The following NLGN4X variants were observed in gnomAD, a reference collection of about 807,000 sequenced individuals.
The protein encoded by NLGN4X is neuroligin-4, X-linked.
Under a neutral mutation model 40.3 loss-of-function variants are expected in NLGN4X, and 3 were observed. That is an observed-to-expected ratio of 0.07 (90% confidence interval 0.03 to 0.19). The LOEUF (loss-of-function observed/expected upper bound fraction) is 0.19. Ranked by LOEUF, NLGN4X falls within the 10% of genes least tolerant of loss-of-function variation. The pLI, the probability that NLGN4X is intolerant of heterozygous loss-of-function variation, is 1.00. For synonymous variants in NLGN4X, 270 were observed against 306.8 expected, an observed-to-expected ratio of 0.88 and a Z score of 1.25; for missense variants, 382 against 708.3, an observed-to-expected ratio of 0.54 and a Z score of 5.23.
chrX:6,167,560 C>A (rs963973889), intron 1 of NLGN4X, among the ~76,000 whole-genome samples: 5 of 112,256 alleles, frequency 4.5e-5, no homozygotes, highest in Admixed American at 1.9e-4. Context: ...AGGAAGGGAA[C>A]TTATCTGAGG....
chrX:6,080,490 A>C (rs991612062), intron 2 of NLGN4X, among the ~76,000 whole-genome samples: 3 of 112,048 alleles, frequency 2.7e-5, no homozygotes, highest in African/African-American at 9.7e-5. Flanking sequence ...CAGTTGAATG[A>C]CATCTAGTGC....
At chrX:6,194,446 T>C (rs1200789359) in intron 1 of NLGN4X, among the ~76,000 whole-genome samples, 1 of 111,194 alleles carries the variant, frequency 9.0e-6, no homozygotes, top group Admixed American at 9.6e-5. Flanking sequence ...TCTAACAGAG[T>C]ACCACGTGGC....
chrX:6,022,684 T>A (rs1368938006), intron 3 of NLGN4X, among the ~76,000 whole-genome samples: 1 of 111,469 alleles, frequency 9.0e-6, no homozygotes, highest in Non-Finnish European at 1.9e-5. Flanking sequence ...AGGCTTCTTT[T>A]GTTGAGTGGA....
At chrX:6,142,376 C>G (rs1407492907) in intron 2 of NLGN4X, among the ~76,000 whole-genome samples, 1 of 112,215 alleles carries the variant, frequency 8.9e-6, no homozygotes, top group Non-Finnish European at 1.9e-5. Context: ...ATCGGAAATC[C>G]ACTCCAGTTT....
intron 3 of NLGN4X, among the ~76,000 whole-genome samples, chrX:5,974,136 C>A (rs989732672): frequency 8.9e-6 from 1 of 111,928 alleles, no homozygotes; most frequent in Admixed American, 9.5e-5. Context: ...GAAAGGTGGT[C>A]GCTGAAACAA....
intron 1 of NLGN4X, among the ~76,000 whole-genome samples, chrX:6,157,683 G>T (rs2040299968): frequency 9.0e-6 from 1 of 111,199 alleles, no homozygotes; most frequent in African/African-American, 3.3e-5. Flanking sequence ...TTGGAAAAGG[G>T]GAAAAGGGCA....
chrX:6,150,617 A>T (rs1199613345), intron 2 of NLGN4X, among the ~76,000 whole-genome samples: 2 of 112,165 alleles, frequency 1.8e-5, no homozygotes, highest in Non-Finnish European at 3.8e-5. Flanking sequence ...TGCAAACTGG[A>T]GCATAATAGT....
chrX:6,071,418 A>G (rs12836490), intron 2 of NLGN4X, among the ~76,000 whole-genome samples: 9,777 of 111,465 alleles, frequency 0.088, 454 homozygotes, highest in Non-Finnish European at 0.13. Context: ...TAAAGCTTCC[A>G]TAACAAAAAG....
intron 3 of NLGN4X, among the ~76,000 whole-genome samples, chrX:5,940,286 T>C (rs2033880976): frequency 8.9e-6 from 1 of 112,460 alleles, no homozygotes; most frequent in Non-Finnish European, 1.9e-5. Flanking sequence ...ACTGGCAGAT[T>C]TAAAAGACAC....
intron 2 of NLGN4X, among the ~76,000 whole-genome samples, chrX:6,071,091 T>C (rs1367584615): frequency 9.0e-6 from 1 of 111,448 alleles, no homozygotes; most frequent in Non-Finnish European, 1.9e-5. Flanking sequence ...ATGGTACCAC[T>C]GCACTGCAGC....
intron 2 of NLGN4X, among the ~76,000 whole-genome samples, chrX:6,047,031 A>C (rs1456664741): frequency 9.1e-6 from 1 of 109,469 alleles, no homozygotes; most frequent in East Asian, 2.8e-4. Flanking sequence ...CATTTAGGAT[A>C]TATACACATA....
At chrX:6,113,346 A>C (rs1157153025) in intron 2 of NLGN4X, among the ~76,000 whole-genome samples, 1 of 111,662 alleles carries the variant, frequency 9.0e-6, no homozygotes, top group Non-Finnish European at 1.9e-5. Flanking sequence ...CCAATTTAGC[A>C]CAAATCTAAA....
At chrX:6,007,111 T>G (rs1281052754) in intron 3 of NLGN4X, among the ~76,000 whole-genome samples, 1 of 112,138 alleles carries the variant, frequency 8.9e-6, no homozygotes, top group Non-Finnish European at 1.9e-5. Context: ...TATATATCCA[T>G]GGAATACAAC....
chrX:5,914,369 A>T (rs2032665233), intron 3 of NLGN4X, among the ~76,000 whole-genome samples: 1 of 111,372 alleles, frequency 9.0e-6, no homozygotes, highest in South Asian at 3.7e-4. Flanking sequence ...ACTGCAAGTA[A>T]ATGGTAAGGA....
intron 1 of NLGN4X, among the ~76,000 whole-genome samples, chrX:6,179,099 A>AAAGGAAGGAAGGAAGGGAGGAAGGAAGG (rs1921127519): frequency 1.3e-5 from 1 of 78,205 alleles, no homozygotes; most frequent in Non-Finnish European, 2.3e-5. Context: ...ACCCTGAAAA[A>AAAGGAAGGAAGGAAGGGAGGAAGGAAGG]AAGGAAGGAA....
intron 5 of NLGN4X, among the ~76,000 whole-genome samples, chrX:5,896,694 G>C (rs772273365): frequency 3.6e-5 from 4 of 111,977 alleles, no homozygotes; most frequent in African/African-American, 1.3e-4. Flanking sequence ...ATAGTACTAT[G>C]ATCTCTCTAA....
intron 1 of NLGN4X, among the ~76,000 whole-genome samples, chrX:6,223,961 A>G (rs1342025197): frequency 1.8e-5 from 2 of 112,839 alleles, no homozygotes; most frequent in African/African-American, 6.4e-5. Context: ...ATATTTCCCC[A>G]TTTGGGAATA....
At chrX:5,961,275 A>T (rs2034656223) in intron 3 of NLGN4X, among the ~76,000 whole-genome samples, 1 of 112,509 alleles carries the variant, frequency 8.9e-6, no homozygotes, top group South Asian at 3.6e-4. Context: ...AGAATCTAAC[A>T]GATATTTTGG....
intron 2 of NLGN4X, among the ~76,000 whole-genome samples, chrX:6,135,906 CTT>C (rs2039808239): frequency 8.9e-6 from 1 of 112,211 alleles, no homozygotes; most frequent in African/African-American, 3.2e-5. Flanking sequence ...CCGAAAATCT[CTT>C]CTTTTCCCTT....
Sources: gnomAD v4.1 joint callset for allele counts (sites outside exome capture counted in the v4.1 genomes callset) on GRCh38, gnomAD v4.1.1 for gene constraint, MANE v1.5 for transcripts, NCBI Gene and HGNC (gene_info 2026-07-23, HGNC 2026-07-21) for gene names.